Variants in GRIP1 observed in about 807,000 individuals in gnomAD.
GRIP1 encodes the protein glutamate receptor-interacting protein 1.
A neutral mutation model predicts 129.9 loss-of-function variants in GRIP1; 45 were observed. That is an observed-to-expected ratio of 0.35 (90% confidence interval 0.27 to 0.44). The LOEUF (loss-of-function observed/expected upper bound fraction) is 0.44. Ranked by LOEUF, GRIP1 falls within the 20% of genes least tolerant of loss-of-function variation. GRIP1 has a pLI of 1.00. For synonymous variants in GRIP1, 530 were observed against 520.8 expected, an observed-to-expected ratio of 1.02 and a Z score of -0.24; for missense variants, 1,196 against 1,396.8, an observed-to-expected ratio of 0.86 and a Z score of 2.29.
chr12:66,928,757 A>C (rs1287470530), intron 1 of GRIP1, among the ~76,000 whole-genome samples: 1 of 152,260 alleles, frequency 6.6e-6, no homozygotes, highest in Non-Finnish European at 1.5e-5. Flanking sequence ...TAATCTTAAA[A>C]ATGCAAGAGG....
intron 1 of GRIP1, among the ~76,000 whole-genome samples, chr12:66,684,868 A>T (rs1337200874): frequency 6.6e-6 from 1 of 151,978 alleles, no homozygotes; most frequent in Non-Finnish European, 1.5e-5. Context: ...GAAATGGAAC[A>T]AAACGAAACG....
At chr12:66,632,514 C>G (rs1286629876) in intron 1 of GRIP1, among the ~76,000 whole-genome samples, 1 of 152,096 alleles carries the variant, frequency 6.6e-6, no homozygotes, top group Non-Finnish European at 1.5e-5. Flanking sequence ...GCTTCCTTCC[C>G]CAAAAAGGAA....
chr12:66,376,122 A>T (rs533632623), intron 22 of GRIP1, among the ~76,000 whole-genome samples: 1 of 152,360 alleles, frequency 6.6e-6, no homozygotes, highest in East Asian at 1.9e-4. Flanking sequence ...AGGACCTTTA[A>T]CTGTGCTCTG....
intron 1 of GRIP1, among the ~76,000 whole-genome samples, chr12:66,729,892 C>T (rs1314906713): frequency 6.6e-6 from 1 of 152,158 alleles, no homozygotes; most frequent in African/African-American, 2.4e-5. Context: ...CATACTTAAG[C>T]CTCTCTGACT....
intron 23 of GRIP1, among the ~76,000 whole-genome samples, chr12:66,363,718 T>A (rs2054949186): frequency 6.6e-6 from 1 of 152,036 alleles, no homozygotes; most frequent in Non-Finnish European, 1.5e-5. Context: ...TTATGTTAAA[T>A]GAAATAAGCC....
At chr12:66,968,663 T>C (rs934017512) in intron 1 of GRIP1, among the ~76,000 whole-genome samples, 3 of 152,310 alleles carry the variant, frequency 2.0e-5, no homozygotes, top group South Asian at 4.1e-4. Context: ...TCCAATCTCT[T>C]ATGACATTGT....
chr12:66,683,148 C>T (rs1010608519), upstream of GRIP1, among the ~76,000 whole-genome samples: 2 of 151,798 alleles, frequency 1.3e-5, no homozygotes, highest in Admixed American at 6.6e-5. Flanking sequence ...TCTTAAAATG[C>T]GACTCTCACC....
At chr12:66,451,090 C>A (rs540741524) in intron 11 of GRIP1, among the ~76,000 whole-genome samples, 1 of 152,148 alleles carries the variant, frequency 6.6e-6, no homozygotes, top group Non-Finnish European at 1.5e-5. Context: ...GACATCCTAA[C>A]TGGTGTATGC....
chr12:66,429,922 A>G (rs1476212684), intron 14 of GRIP1, among the ~76,000 whole-genome samples: 3 of 152,178 alleles, frequency 2.0e-5, no homozygotes, highest in Non-Finnish European at 4.4e-5. Flanking sequence ...GAATCAGGGC[A>G]TGAGACAGTC....
chr12:66,549,882 A>G (rs114097604), intron 2 of GRIP1, among the ~76,000 whole-genome samples: 82 of 151,552 alleles, frequency 5.4e-4, no homozygotes, highest in Non-Finnish European at 5.7e-4. Flanking sequence ...TATGTTTCCT[A>G]TTGCACCTCC....
intron 2 of GRIP1, among the ~76,000 whole-genome samples, chr12:66,553,933 G>C (rs2062229849): frequency 6.6e-6 from 1 of 152,040 alleles, no homozygotes; most frequent in Non-Finnish European, 1.5e-5. Context: ...CCACCACAGT[G>C]GACTAAAGTG....
intron 2 of GRIP1, among the ~76,000 whole-genome samples, chr12:66,590,877 G>C (rs1014223974): frequency 3.9e-5 from 6 of 152,200 alleles, no homozygotes; most frequent in Non-Finnish European, 7.3e-5. Flanking sequence ...CAATGAGACA[G>C]AAAACATGTG....
intron 1 of GRIP1, among the ~76,000 whole-genome samples, chr12:66,675,486 C>G (rs963136898): frequency 6.6e-6 from 1 of 152,118 alleles, no homozygotes; most frequent in African/African-American, 2.4e-5. Flanking sequence ...AGAAAAAGAA[C>G]AAAGTCTGTG....
chr12:66,782,068 G>T (rs544835581), intron 1 of GRIP1, among the ~76,000 whole-genome samples: 1 of 152,266 alleles, frequency 6.6e-6, no homozygotes, highest in South Asian at 2.1e-4. Flanking sequence ...AGAAGGAGAG[G>T]CATAAAGGGA....
At chr12:67,069,020 C>A in intron 1 of GRIP1, 1 of 911,820 alleles carries the variant, frequency 1.1e-6, no homozygotes, top group Non-Finnish European at 1.3e-6. Flanking sequence ...GACCCCTGCC[C>A]TCCCTCCCCG....
intron 7 of GRIP1, among the ~76,000 whole-genome samples, chr12:66,475,457 T>C (rs1235784332): frequency 6.6e-6 from 1 of 152,074 alleles, no homozygotes; most frequent in Non-Finnish European, 1.5e-5. Context: ...AGGAATTGAA[T>C]TCAGCTCTGC....
intron 7 of GRIP1, among the ~76,000 whole-genome samples, chr12:66,483,870 T>C (rs566070015): frequency 0.022 from 3,333 of 152,162 alleles, 116 homozygotes; most frequent in African/African-American, 0.076. Context: ...ACTTCTTTTT[T>C]TTTTTTTGAG....
intron 1 of GRIP1, among the ~76,000 whole-genome samples, chr12:66,783,366 GA>G (rs1006094319): frequency 2.0e-5 from 3 of 152,062 alleles, no homozygotes; most frequent in East Asian, 1.9e-4. Context: ...ATGTCATGGG[GA>G]AAAAAAGTGC....
At chr12:66,376,265 A>G (rs2055779531) in intron 22 of GRIP1, among the ~76,000 whole-genome samples, 1 of 152,236 alleles carries the variant, frequency 6.6e-6, no homozygotes, top group Non-Finnish European at 1.5e-5. Context: ...GAGAAGCAAA[A>G]TAATATAAAG....
Sources: gnomAD v4.1 joint callset for allele counts (sites outside exome capture counted in the v4.1 genomes callset) on GRCh38, gnomAD v4.1.1 for gene constraint, MANE v1.5 for transcripts, NCBI Gene and HGNC (gene_info 2026-07-23, HGNC 2026-07-21) for gene names.